The following SLC9A5 variants were observed in gnomAD, a reference collection of about 807,000 sequenced individuals.
SLC9A5 encodes solute carrier family 9 member A5, also known as sodium/hydrogen exchanger 5.
Under a neutral mutation model 91.7 loss-of-function variants are expected in SLC9A5, and 52 were observed. The observed-to-expected ratio is 0.57, with a 90% confidence interval of 0.45 to 0.71. SLC9A5 has a LOEUF of 0.71. Among genes scored for constraint, SLC9A5 ranks in the 30% least tolerant of loss-of-function variants. The probability of loss-of-function intolerance (pLI) is 0.00; values close to 1 mark genes in which losing one functional copy is unlikely to be tolerated. For missense variants in SLC9A5, 871 were observed against 1,158.9 expected (o/e 0.75, Z 3.61); for synonymous variants, 419 against 474.5 (o/e 0.88, Z 1.52).
At chr16:67,268,642 G>A (rs1408088693) in intron 15 of SLC9A5, among the ~76,000 whole-genome samples, 3 of 105,090 alleles carry the variant, frequency 2.9e-5, no homozygotes, top group Non-Finnish European at 3.7e-5. Context: ...ATCAAACATC[G>A]TTCAAATTTC....
intron 1 of SLC9A5, 27 bp downstream of exon 1, chr16:67,249,228 C>T (rs372394073): frequency 2.2e-6 from 3 of 1,382,844 alleles, no homozygotes; most frequent in South Asian, 1.6e-5. Context: ...GTGCGCCAGG[C>T]CGACCGCCAG....
chr16:67,251,756 C>T (rs2035130877), intron 1 of SLC9A5, among the ~76,000 whole-genome samples: 1 of 152,046 alleles, frequency 6.6e-6, no homozygotes, highest in African/African-American at 2.4e-5. Flanking sequence ...CTTATGAGAT[C>T]ATTATCGTTT....
chr16:67,261,087 G>A (rs1433686777), intron 12 of SLC9A5: 1 of 152,122 alleles, frequency 6.6e-6, no homozygotes, highest in Non-Finnish European at 1.5e-5. Context: ...CTTACCTCCT[G>A]GTATGTCTTC....
Position 67,257,618 on chromosome 16 carries a change from G to C in SLC9A5, c.1496+17G>C, listed in dbSNP as rs759898797. ...GAGGGACAGGTGAGGGAGCTGCCCC[G>C]AGGCTCCTTCAGCAGCAGCAGCCCC... On this transcript the variant is annotated intron_variant, in intron 9 of 15. Transcript: ENST00000299798. The surrounding 1 kb of genome is among the most constrained non-coding windows in gnomAD (Gnocchi z 5.1). 5.0e-6 allele frequency: 8 copies of C among 1,613,490 alleles called. No individual in the cohort carries two copies. Among genetic ancestry groups the C allele is most frequent in the Non-Finnish European group, 6.8e-6 (8 of 1,179,526 alleles).
chr16:67,267,081 G>GTTTTTT (rs980874306), intron 15 of SLC9A5, among the ~76,000 whole-genome samples: 67 of 47,662 alleles, frequency 1.4e-3, no homozygotes, highest in Non-Finnish European at 2.0e-3. Context: ...CCCAGCTGTT[G>GTTTTTT]TTTTTTTTTT....
rs990244849 is a variant in SLC9A5, at chr16:67,256,864, C to A, written c.1133-47C>A. On this transcript the variant is annotated intron_variant, in intron 6 of 15. Transcript: ENST00000299798. This position sits in a 1 kb window ranked among gnomAD's most constrained non-coding sequence, Gnocchi z 4.1. ...TACTTGGTCCCATCCGGTCCCACGT[C>A]CTCCACTCCCAACGCTTTGCTCCCA... is the stretch of plus-strand genomic sequence containing the variant. 1.9e-6 allele frequency: 3 copies of A among 1,584,892 alleles called. No individual in the cohort carries two copies. In the African/African-American group the frequency reaches 4.0e-5, roughly 21 times the overall value.
At chr16:67,262,116 C>T (rs2035551861) in intron 12 of SLC9A5, 7 of 348,830 alleles carry the variant, frequency 2.0e-5, no homozygotes, top group South Asian at 1.5e-4. Context: ...CCCATGTCTG[C>T]CACCAAATGT....
Position 67,270,846 on chromosome 16 carries a change from C to A in SLC9A5, c.2327C>A (p.Ser776Tyr). 6.2e-7 allele frequency: 1 copy of A among 1,614,088 alleles called. No homozygotes were observed. The highest frequency in any genetic ancestry group is 8.5e-7 in the Non-Finnish European group (1 of 1,179,994). Residue 776 changes from serine (S) to tyrosine (Y), a missense_variant, in exon 16 of 16, where the codon TCC becomes TAC. Physicochemically the swap from Ser to Tyr is moderately radical, Grantham distance 144. This residue lies in a region of SLC9A5 where 295 missense variants were observed against 326.0 expected (regional missense o/e 0.90). Transcript: ENST00000299798. The surrounding 1 kb of genome is among the most constrained non-coding windows in gnomAD (Gnocchi z 4.3). Reference sequence around the variant, plus strand: ...CAGGGGGACCTGGCAGTGTACGTGTCCTCGGAAACCACCAAGATTGTGCCT... The same window carrying A: ...CAGGGGGACCTGGCAGTGTACGTGTACTCGGAAACCACCAAGATTGTGCCT... ...SGQGDLAVYVSSETTKIVPVD... is the reference protein window; with the variant it reads ...SGQGDLAVYVYSETTKIVPVD...
rs2035407404 is a variant in SLC9A5, at chr16:67,258,641, C to T, written c.1626+194C>T. 6.6e-6 allele frequency among the ~76,000 whole-genome samples: 1 copy of T among 152,188 alleles called. No homozygotes were observed. The highest frequency in any genetic ancestry group is 1.5e-5 in the Non-Finnish European group (1 of 68,042). ...GACATTCAGAGTCTGGCAGGCAGTC[C>T]AGAGAGGTGGGAAACAGCTGGACTC... On this transcript the variant is annotated intron_variant, in intron 10 of 15. Coordinates refer to ENST00000299798, the MANE Select transcript of SLC9A5 (RefSeq NM_004594.3). The surrounding 1 kb of genome is among the most constrained non-coding windows in gnomAD (Gnocchi z 4.5).
At chr16:67,266,298 C>T (rs1450058274) in intron 15 of SLC9A5, 73 bp downstream of exon 15, 4 of 1,385,722 alleles carry the variant, frequency 2.9e-6, no homozygotes, top group African/African-American at 3.0e-5. Context: ...ATGGCCTCTA[C>T]TCCAGACAAC....
Position 67,256,547 on chromosome 16 carries a change from T to C in SLC9A5, c.990T>C (p.Tyr330=), listed in dbSNP as rs1341202464. The part of the protein sequence containing the change: ...ISHKSRTTVK[Y]TMKTLASCAE... The stretch of plus-strand genomic sequence containing the variant: ...ATAAGTCACGCACAACTGTCAAATA[T>C]ACAATGAAGACTCTAGCCAGCTGTG... The change falls in exon 6 of 16, where the codon TAT becomes TAC. Residue 330 remains tyrosine, a synonymous_variant. Coordinates refer to ENST00000299798, the MANE Select transcript of SLC9A5 (RefSeq NM_004594.3). The surrounding 1 kb of genome is among the most constrained non-coding windows in gnomAD (Gnocchi z 4.1). The C allele has an allele frequency of 1.2e-6, 2 of 1,613,906 alleles. No individual in the cohort carries two copies. The highest frequency in any genetic ancestry group is 1.7e-5 in the Admixed American group (1 of 59,996).
Position 67,256,460 on chromosome 16 carries a change from C to T in SLC9A5, c.912-9C>T, listed in dbSNP as rs1221473730. 10 of 1,599,616 alleles carry T rather than the reference C, an allele frequency of 6.3e-6. No individual in the cohort carries two copies. The highest frequency in any genetic ancestry group is 7.7e-6 in the Non-Finnish European group (9 of 1,173,514). The stretch of plus-strand genomic sequence containing the variant: ...TCCCCACTTGCCATGTCTCTCCATC[C>T]TCTCCCAGGGTGACCATGTGTGGCC... On this transcript the variant is annotated splice_polypyrimidine_tract_variant and intron_variant, in intron 5 of 15. Transcript: ENST00000299798. The surrounding 1 kb of genome is among the most constrained non-coding windows in gnomAD (Gnocchi z 4.1).
intron 15 of SLC9A5, among the ~76,000 whole-genome samples, chr16:67,266,851 T>TTTC (rs1555500701): frequency 3.4e-4 from 23 of 68,582 alleles, no homozygotes; most frequent in African/African-American, 1.5e-3. Context: ...TATTCTTTTC[T>TTTC]TTTTTTTTTT....
In SLC9A5 at chr16:67,255,854, G is replaced by C. The variant is rs780862622; in HGVS notation, c.835G>C (p.Glu279Gln). Residue 279 changes from glutamate (E) to glutamine (Q), a missense_variant, in exon 5 of 16, where the codon GAG (glutamate) becomes CAG (glutamine). Transcript: ENST00000299798. This position sits in a 1 kb window ranked among gnomAD's most constrained non-coding sequence, Gnocchi z 4.9. ...TRFTKRVRII[E>Q]PLLVFLLAYA... ...CTTCACCAAGCGGGTCCGCATCATCGAGCCGCTGCTGGTCTTCCTCCTCGC... is the reference window on the plus strand; with the variant it reads ...CTTCACCAAGCGGGTCCGCATCATCCAGCCGCTGCTGGTCTTCCTCCTCGC... The C allele has an allele frequency of 3.1e-6, 5 of 1,613,154 alleles. No individual in the cohort carries two copies. The Admixed American group carries it at 8.3e-5, about 27-fold the overall frequency.
At chr16:67,266,278 C>G (rs2035701663) in intron 15 of SLC9A5, 53 bp downstream of exon 15, 2 of 1,521,936 alleles carry the variant, frequency 1.3e-6, no homozygotes, top group Non-Finnish European at 1.8e-6. Flanking sequence ...GGTTTCCTCT[C>G]TCTTCACTCA....
In SLC9A5 at chr16:67,263,863, G is replaced by A. The variant is rs148818355; in HGVS notation, c.1843-489G>A. ...TGAGAAGGTCCAGGGTGTCAGGGGA[G>A]ATAGTTATGAAAGTTCAAAGTGCAG... On this transcript the variant is annotated intron_variant, in intron 12 of 15. Transcript: ENST00000299798. The A allele has an allele frequency of 4.0e-4, 65 of 163,020 alleles. No individual in the cohort carries two copies. In the East Asian group the frequency reaches 9.6e-3, roughly 24 times the overall value. 10.1% of individuals were successfully genotyped at this position (163,020 alleles called of 1,614,324 possible).
chr16:67,255,509 T>A lies in SLC9A5; in HGVS notation c.733+38T>A. 1 of 1,594,040 alleles carries A rather than the reference T, an allele frequency of 6.3e-7. No homozygotes were observed. Among genetic ancestry groups the A allele is most frequent in the Non-Finnish European group, 8.6e-7 (1 of 1,161,868 alleles). On this transcript the variant is annotated intron_variant, in intron 4 of 15. Coordinates refer to ENST00000299798, the MANE Select transcript of SLC9A5 (RefSeq NM_004594.3). This position sits in a 1 kb window ranked among gnomAD's most constrained non-coding sequence, Gnocchi z 4.9. ...CCGCTCCCAGCTGGCATTGGAGGTC[T>A]GCCTCCCCTGGGTTGCTGAGGCCCT...
chr16:67,257,659 A>G lies in SLC9A5; in HGVS notation c.1496+58A>G. ...CAGCAGCCCCACCAGCCAGGGAAGC[A>G]TGGGGGATGTGCCACACTTCTGAGA... is the stretch of plus-strand genomic sequence containing the variant. On this transcript the variant is annotated intron_variant, in intron 9 of 15. Transcript: ENST00000299798. This position sits in a 1 kb window ranked among gnomAD's most constrained non-coding sequence, Gnocchi z 5.1. The G allele has an allele frequency of 7.7e-6, 12 of 1,556,250 alleles. No homozygotes were observed. The highest frequency in any genetic ancestry group is 9.8e-6 in the Non-Finnish European group (11 of 1,128,058).
At chr16:67,263,353 G>A (rs1314194773) in intron 12 of SLC9A5, 1 of 152,164 alleles carries the variant, frequency 6.6e-6, no homozygotes, top group East Asian at 1.9e-4. Context: ...TGGGATTTGA[G>A]GCAAGATAAG....
Sources: allele counts gnomAD v4.1 joint callset (sites outside exome capture counted in the v4.1 genomes callset), GRCh38; gene constraint gnomAD v4.1.1; regional missense constraint gnomAD v4.1.1; non-coding constraint Gnocchi (gnomAD v3.1); transcripts MANE v1.5; gene names NCBI Gene and HGNC (gene_info 2026-07-23, HGNC 2026-07-21).